The following SPECC1 variants were observed in gnomAD, a reference collection of about 807,000 sequenced individuals.
SPECC1 encodes cytospin-B.
SPECC1 carries 62 observed loss-of-function variants against 104.1 expected under a neutral mutation model. The observed-to-expected ratio is 0.60, with a 90% CI of 0.49 to 0.74. SPECC1 has a LOEUF of 0.74. Ranked by LOEUF, SPECC1 falls within the 30% of genes least tolerant of loss-of-function variation. SPECC1 has a pLI of 0.00. For missense variants in SPECC1, 1,306 were observed against 1,310.5 expected (o/e 1.00, Z 0.05); for synonymous variants, 513 against 501.6 (o/e 1.02, Z -0.30).
intron 7 of SPECC1, among the ~76,000 whole-genome samples, chr17:20,242,511 G>T (rs2039247596): frequency 6.6e-6 from 1 of 152,058 alleles, no homozygotes; most frequent in South Asian, 2.1e-4. Context: ...TCTAGTATCT[G>T]GCCTGCAACT....
In SPECC1 at chr17:20,314,067, C is replaced by G. The variant is rs867878017; in HGVS notation, c.*2C>G. The G allele has an allele frequency of 6.2e-7, 1 of 1,613,394 alleles. No individual in the cohort carries two copies. On this transcript the variant is annotated 3_prime_UTR_variant, in exon 15 of 15. Coordinates refer to ENST00000395527, the MANE Select transcript of SPECC1 (RefSeq NM_001243439.2). ...ATCTACAAGTACTTTGAGACGTAACCCTGGAGGGCCTGGGGCAGCCACCAT... is the reference window on the plus strand; with the variant it reads ...ATCTACAAGTACTTTGAGACGTAACGCTGGAGGGCCTGGGGCAGCCACCAT...
intron 9 of SPECC1, among the ~76,000 whole-genome samples, chr17:20,253,037 T>C (rs116724207): frequency 6.7e-6 from 1 of 149,466 alleles, no homozygotes; most frequent in African/African-American, 2.5e-5. Flanking sequence ...CTTGTTCTTT[T>C]TCAGTTTTTT....
Position 20,314,142 on chromosome 17 carries a change from C to A in SPECC1, c.*77C>A. 8.2e-7 allele frequency: 1 copy of A among 1,225,426 alleles called. No homozygotes were observed. Among genetic ancestry groups the A allele is most frequent in the Non-Finnish European group, 1.2e-6 (1 of 849,022 alleles). The allele number at this position is 1,225,426 out of a possible 1,614,324, so 75.9% of individuals were successfully genotyped here. On this transcript the variant is annotated 3_prime_UTR_variant, in exon 15 of 15. Transcript: ENST00000395527. ...GAAGCGCCTGATTACTGTCCACTGA[C>A]CCTGCTCTGCCCACCACCCAGCTGC...
chr17:20,255,941 G>A (rs1417287188), intron 10 of SPECC1, among the ~76,000 whole-genome samples: 2 of 151,764 alleles, frequency 1.3e-5, no homozygotes, highest in Admixed American at 1.3e-4. Flanking sequence ...GCAGTGGCGT[G>A]AGCTCGGCTC....
At chr17:20,239,299 A>T (rs1224496668) in intron 7 of SPECC1, 1 of 1,012,018 alleles carries the variant, frequency 9.9e-7, no homozygotes, top group African/African-American at 1.7e-5. Context: ...AAAAATATTA[A>T]TCTTTCTTCT....
intron 3 of SPECC1, among the ~76,000 whole-genome samples, chr17:20,161,855 A>G (rs2033185753): frequency 7.1e-6 from 1 of 141,806 alleles, no homozygotes. Flanking sequence ...AGTGCAGTGG[A>G]GTGATCTCAG....
rs529335555 is a variant in SPECC1 at position 20,167,671 on chromosome 17, T to G, written c.284-36662T>G. Among the ~76,000 whole-genome samples the G allele has an allele frequency of 6.6e-5, 10 of 152,260 alleles. No homozygotes were observed. In the East Asian group the frequency reaches 1.9e-3, roughly 29 times the overall value. ...CCAGCCTGGGCAACTTGAGTGAAAC[T>G]ACGTCTCAAAAACAAAAAGAAAATA... On this transcript the variant is annotated intron_variant, in intron 3 of 14. Transcript: ENST00000395527.
At chr17:20,023,704 G>C (rs1210489355) in intron 1 of SPECC1, among the ~76,000 whole-genome samples, 1 of 152,062 alleles carries the variant, frequency 6.6e-6, no homozygotes, top group Non-Finnish European at 1.5e-5. Context: ...TAGCAGGAAT[G>C]ACAAGAAAGA....
rs1382175443 is a variant in SPECC1, at chr17:20,314,325, C to G, written c.*260C>G. On this transcript the variant is annotated 3_prime_UTR_variant, in exon 15 of 15. Transcript: ENST00000395527. ...GATGCTTCTAAAGAGGGCAGCCTCCCTCCTTCCAGACCAAGACCCCACACC... is the reference window on the plus strand; with the variant it reads ...GATGCTTCTAAAGAGGGCAGCCTCCGTCCTTCCAGACCAAGACCCCACACC... 2.3e-5 allele frequency: 11 copies of G among 485,218 alleles called. No individual in the cohort carries two copies. Among genetic ancestry groups the G allele is most frequent in the Admixed American group, 9.6e-5 (3 of 31,392 alleles). 30.1% of individuals were successfully genotyped at this position (485,218 alleles called of 1,614,324 possible).
intron 13 of SPECC1, among the ~76,000 whole-genome samples, chr17:20,305,162 C>A (rs79044184): frequency 6.6e-6 from 1 of 151,874 alleles, no homozygotes; most frequent in Non-Finnish European, 1.5e-5. Context: ...TCTGTGATGC[C>A]GCTTGTGGTT....
At chr17:20,190,107 C>T (rs1449400445) in intron 3 of SPECC1, among the ~76,000 whole-genome samples, 1 of 149,492 alleles carries the variant, frequency 6.7e-6, no homozygotes, top group African/African-American at 2.5e-5. Context: ...GTGGAAAAAA[C>T]TACTTTTCTG....
chr17:20,057,371 G>A (rs1312107470), intron 1 of SPECC1, among the ~76,000 whole-genome samples: 1 of 152,164 alleles, frequency 6.6e-6, no homozygotes, highest in Non-Finnish European at 1.5e-5. Context: ...AACCCGGGAG[G>A]CAGAGCTTGC....
At chr17:20,075,120 C>G (rs2046707338) in intron 1 of SPECC1, among the ~76,000 whole-genome samples, 2 of 152,188 alleles carry the variant, frequency 1.3e-5, no homozygotes, top group South Asian at 4.1e-4. Flanking sequence ...CCAGGCTGGC[C>G]TCAAACTCCT....
intron 12 of SPECC1, among the ~76,000 whole-genome samples, chr17:20,269,169 A>T (rs984355497): frequency 1.3e-5 from 2 of 152,242 alleles, no homozygotes; most frequent in Admixed American, 6.5e-5. Flanking sequence ...TGCAAAAAAG[A>T]CTTAACCCAG....
chr17:20,298,166 A>C lies in SPECC1; in HGVS notation c.3057+1089A>C, dbSNP rs141459329. On this transcript the variant is annotated intron_variant, in intron 13 of 14. Coordinates refer to ENST00000395527, the MANE Select transcript of SPECC1 (RefSeq NM_001243439.2). ...CAGGAGTTCAAGACCAGCCTGCCCA[A>C]CATGGTGAAACTCCATCTCTACTAA... 2.4e-3 allele frequency among the ~76,000 whole-genome samples: 366 copies of C among 152,272 alleles called. 2 individuals carry two copies. Among genetic ancestry groups the C allele is most frequent in the African/African-American group, 8.3e-3 (345 of 41,550 alleles).
intron 1 of SPECC1, among the ~76,000 whole-genome samples, chr17:20,016,375 G>A (rs1597565078): frequency 1.3e-5 from 2 of 152,212 alleles, no homozygotes; most frequent in East Asian, 1.9e-4. Context: ...CGCTTGAGGA[G>A]CCCTTCAGCC....
intron 3 of SPECC1, among the ~76,000 whole-genome samples, chr17:20,129,189 T>G (rs975696288): frequency 6.6e-6 from 1 of 151,194 alleles, no homozygotes; most frequent in Non-Finnish European, 1.5e-5. Context: ...TTGTTTTTTT[T>G]TGTTTTTTTT....
At chr17:20,090,809 C>T (rs1440650704) in intron 1 of SPECC1, among the ~76,000 whole-genome samples, 1 of 152,162 alleles carries the variant, frequency 6.6e-6, no homozygotes, top group Non-Finnish European at 1.5e-5. Context: ...CTCAATATAG[C>T]TGCCAGATTA....
At chr17:20,188,267 T>C (rs2151269121) in intron 3 of SPECC1, among the ~76,000 whole-genome samples, 1 of 152,064 alleles carries the variant, frequency 6.6e-6, no homozygotes, top group South Asian at 2.1e-4. Flanking sequence ...TTTTTTTTTT[T>C]TCTTTTTTTG....
Sources: gnomAD v4.1 joint callset for allele counts (sites outside exome capture counted in the v4.1 genomes callset) on GRCh38, gnomAD v4.1.1 for gene constraint, MANE v1.5 for transcripts, NCBI Gene and HGNC (gene_info 2026-07-23, HGNC 2026-07-21) for gene names.